The following PEMT variants were observed in gnomAD, a reference collection of about 807,000 sequenced individuals.
PEMT encodes phosphatidylethanolamine N-methyltransferase.
In PEMT, 23 loss-of-function variants were observed where a neutral mutation model predicts 27.4. The observed-to-expected ratio is 0.84, with a 90% CI of 0.60 to 1.19. PEMT has a LOEUF of 1.19. Ranked by LOEUF, PEMT falls within the 50% of genes most tolerant of loss-of-function variation. The pLI, the probability that PEMT is intolerant of heterozygous loss-of-function variation, is 0.00. For missense variants in PEMT, 307 were observed against 310.1 expected (o/e 0.99, Z 0.07); for synonymous variants, 137 against 139.1 (o/e 0.98, Z 0.11).
chr17:17,589,294 A>G (rs1002920923), intron 1 of PEMT, among the ~76,000 whole-genome samples: 11 of 141,698 alleles, frequency 7.8e-5, no homozygotes, highest in Non-Finnish European at 1.1e-4. Context: ...TTTTTTTTAA[A>G]AACAAAAGCA....
intron 1 of PEMT, among the ~76,000 whole-genome samples, chr17:17,584,951 G>A (rs763813977): frequency 4.5e-4 from 68 of 152,228 alleles, no homozygotes; most frequent in Non-Finnish European, 7.5e-4. Flanking sequence ...AGTGCCTGGC[G>A]GGGGGCATGG....
intron 1 of PEMT, chr17:17,577,368 G>T (rs536350026): frequency 4.0e-6 from 3 of 753,836 alleles, no homozygotes; most frequent in African/African-American, 3.6e-5. Flanking sequence ...AGGCCCCAGA[G>T]GAAACCCAAG....
chr17:17,512,383 C>A lies in PEMT; in HGVS notation c.466+126G>T, dbSNP rs960507391. The stretch of plus-strand genomic sequence containing the variant: ...CCAGGCCTGGAGGAGCAAAGACGCC[C>A]CGATGGAGGGGGCCCCTAGCACTCC... On this transcript the variant is annotated intron_variant, in intron 4 of 6. Transcript: ENST00000255389. The surrounding 1 kb of genome is among the most constrained non-coding windows in gnomAD (Gnocchi z 6.3). 4 of 871,458 alleles carry A rather than the reference C, an allele frequency of 4.6e-6. No homozygotes were observed. Among genetic ancestry groups the A allele is most frequent in the African/African-American group, 1.8e-5 (1 of 57,084 alleles). 54.0% of individuals were successfully genotyped at this position (871,458 alleles called of 1,614,324 possible). A position where few individuals can be genotyped will look rare whatever the true frequency, so the allele number is the denominator to read the frequency against.
chr17:17,583,792 C>T (rs889337474), intron 1 of PEMT, among the ~76,000 whole-genome samples: 10 of 152,342 alleles, frequency 6.6e-5, no homozygotes, highest in Admixed American at 2.6e-4. Flanking sequence ...CCTGGGAAGA[C>T]CCCGATGCTG....
At position 17,561,154 on chromosome 17, in the gene PEMT, C is replaced by G. The variant is rs952982102; in HGVS notation, c.204+15766G>C. Reference sequence around the variant, plus strand: ...CAGTCATCAAACATTCACTGGGCACCGTGGGGCAGGGCCCAGAGGACAACA... The same window carrying G: ...CAGTCATCAAACATTCACTGGGCACGGTGGGGCAGGGCCCAGAGGACAACA... On this transcript the variant is annotated intron_variant, in intron 2 of 6. Coordinates refer to ENST00000255389, the MANE Select transcript of PEMT (RefSeq NM_148172.3). This position sits in a 1 kb window ranked among gnomAD's most constrained non-coding sequence, Gnocchi z 4.5. Among the ~76,000 whole-genome samples the G allele has an allele frequency of 1.3e-5, 2 of 152,046 alleles. No homozygotes were observed. Among genetic ancestry groups the G allele is most frequent in the Admixed American group, 6.6e-5 (1 of 15,266 alleles).
Position 17,513,660 on chromosome 17 carries a change from C to T in PEMT, c.321-1006G>A, listed in dbSNP as rs1047323898. On this transcript the variant is annotated intron_variant, in intron 3 of 6. Coordinates refer to ENST00000255389, the MANE Select transcript of PEMT (RefSeq NM_148172.3). The surrounding 1 kb of genome is among the most constrained non-coding windows in gnomAD (Gnocchi z 4.1). The stretch of plus-strand genomic sequence containing the variant: ...TATGACAGCAGTGGGTCTAGAGGCT[C>T]AGGTTCTCCAGTTGGCTCCGGAGAA... Among the ~76,000 whole-genome samples, 1 of 152,114 alleles carries T rather than the reference C, an allele frequency of 6.6e-6. No individual in the cohort carries two copies. The highest frequency in any genetic ancestry group is 1.5e-5 in the Non-Finnish European group (1 of 68,018).
chr17:17,526,303 G>A (rs1348633093), intron 2 of PEMT, among the ~76,000 whole-genome samples: 1 of 152,192 alleles, frequency 6.6e-6, no homozygotes, highest in Non-Finnish European at 1.5e-5. Context: ...AAACAGGAAT[G>A]GGGTCGAGAC....
chr17:17,550,777 G>C lies in PEMT; in HGVS notation c.204+26143C>G, dbSNP rs117460153. Among the ~76,000 whole-genome samples the C allele has an allele frequency of 3.4e-3, 518 of 152,298 alleles. 1 individual carries two copies. Among genetic ancestry groups the C allele is most frequent in the African/African-American group, 0.011 (474 of 41,564 alleles). On this transcript the variant is annotated intron_variant, in intron 2 of 6. Transcript: ENST00000255389. Reference sequence around the variant, plus strand: ...CAGGACACACTCGCACCCACACCTGGTCAGACTGGGACCACTTAGATGTCC... The same window carrying C: ...CAGGACACACTCGCACCCACACCTGCTCAGACTGGGACCACTTAGATGTCC...
intron 3 of PEMT, among the ~76,000 whole-genome samples, chr17:17,521,838 A>G (rs562436544): frequency 5.4e-4 from 82 of 152,182 alleles, no homozygotes; most frequent in South Asian, 6.2e-4. Flanking sequence ...AAGTGCTAGG[A>G]TTACAGGTGT....
At chr17:17,590,558 G>A (rs1377056934) in intron 1 of PEMT, among the ~76,000 whole-genome samples, 1 of 152,222 alleles carries the variant, frequency 6.6e-6, no homozygotes, top group African/African-American at 2.4e-5. Flanking sequence ...TAGAATGAAA[G>A]CTCAGTGACA....
chr17:17,551,465 G>A (rs1029524282), intron 2 of PEMT, among the ~76,000 whole-genome samples: 1 of 152,238 alleles, frequency 6.6e-6, no homozygotes, highest in Non-Finnish European at 1.5e-5. Context: ...AGAAGCTGGC[G>A]CGGGCTTGCA....
rs1909053028 is a variant in PEMT at position 17,543,749 on chromosome 17, G to C, written c.205-21354C>G. Among the ~76,000 whole-genome samples, 3 of 152,174 alleles carry C rather than the reference G, an allele frequency of 2.0e-5. No homozygotes were observed. The South Asian group carries it at 6.2e-4, about 31-fold the overall frequency. ...AGCTAATTTTTGTATTTTCAGCAGG[G>C]ACAGGGTTTCACCATGTTGGCCAGG... On this transcript the variant is annotated intron_variant, in intron 2 of 6. Coordinates refer to ENST00000255389, the MANE Select transcript of PEMT (RefSeq NM_148172.3).
intron 3 of PEMT, among the ~76,000 whole-genome samples, chr17:17,517,506 C>T (rs1906931020): frequency 6.6e-6 from 1 of 152,244 alleles, no homozygotes; most frequent in African/African-American, 2.4e-5. Flanking sequence ...GTCCTGACCA[C>T]ATCCTTGAGC....
intron 2 of PEMT, among the ~76,000 whole-genome samples, chr17:17,551,916 C>T (rs1003321353): frequency 1.3e-5 from 2 of 152,336 alleles, no homozygotes; most frequent in East Asian, 3.9e-4. Context: ...TAAAGTTCCA[C>T]TGAAGGCTGG....
chr17:17,510,562 A>G (rs1755730400), intron 4 of PEMT, among the ~76,000 whole-genome samples: 1 of 152,220 alleles, frequency 6.6e-6, no homozygotes, highest in African/African-American at 2.4e-5. Context: ...CTTCCCAGGA[A>G]GCAGGAAGTG....
At chr17:17,563,982 C>T (rs1019137308) in intron 2 of PEMT, among the ~76,000 whole-genome samples, 2 of 152,190 alleles carry the variant, frequency 1.3e-5, no homozygotes, top group Admixed American at 6.5e-5. Flanking sequence ...AGCTTTAATT[C>T]TCTAGAGCCC....
chr17:17,581,499 G>T (rs1452626936), intron 1 of PEMT, among the ~76,000 whole-genome samples: 1 of 152,230 alleles, frequency 6.6e-6, no homozygotes, highest in Admixed American at 6.5e-5. Flanking sequence ...GTGCTTCTGG[G>T]TCTTGAAACC....
chr17:17,577,527 A>G, intron 1 of PEMT: 3 of 994,864 alleles, frequency 3.0e-6, no homozygotes, highest in Non-Finnish European at 3.6e-6. Context: ...GGGTAAACTG[A>G]AAAAGTGTGT....
intron 5 of PEMT, chr17:17,507,572 C>A: frequency 3.9e-6 from 1 of 255,722 alleles, no homozygotes. Context: ...CCACTGTGGG[C>A]GCCGAGGGGG....
Sources: allele counts gnomAD v4.1 joint callset (sites outside exome capture counted in the v4.1 genomes callset), GRCh38; gene constraint gnomAD v4.1.1; non-coding constraint Gnocchi (gnomAD v3.1); transcripts MANE v1.5; gene names NCBI Gene and HGNC (gene_info 2026-07-23, HGNC 2026-07-21).